Variants in FAM163A observed in about 807,000 individuals in gnomAD.
FAM163A encodes the protein protein FAM163A.
FAM163A carries 7 observed loss-of-function variants against 12.0 expected under a neutral mutation model. The ratio of observed to expected loss-of-function variants is 0.58; its 90% CI spans 0.33 to 1.10. The LOEUF (loss-of-function observed/expected upper bound fraction) is 1.10, where lower values mean the gene tolerates loss of function less well. Among genes scored for constraint, FAM163A ranks in the 50% least tolerant of loss-of-function variants. FAM163A has a pLI of 0.03. For synonymous variants in FAM163A, 101 were observed against 91.0 expected (o/e 1.11, Z -0.62); for missense variants, 202 against 218.6 (o/e 0.92, Z 0.48).
chr1:179,753,997 C>G (rs1181184256), intron 1 of FAM163A, among the ~76,000 whole-genome samples: 1 of 152,236 alleles, frequency 6.6e-6, no homozygotes, highest in Non-Finnish European at 1.5e-5. Context: ...CGGTGGCTAG[C>G]AGAGTGCTGA....
At position 179,760,596 on chromosome 1, in the gene FAM163A, G is replaced by A. The variant is rs185076936; in HGVS notation, c.-136+17173G>A. 7.0e-4 allele frequency among the ~76,000 whole-genome samples: 106 copies of A among 152,334 alleles called. 1 individual carries two copies. Among genetic ancestry groups the A allele is most frequent in the African/African-American group, 2.3e-3 (95 of 41,566 alleles). On this transcript the variant is annotated intron_variant, in intron 1 of 4. Transcript: ENST00000341785. ...ATCCCAACAGCATGGCAGGGCAGAA[G>A]CATCAAGTCCAGAGACAGGTGAGAG...
At chr1:179,769,321 A>T (rs1321758772) in intron 1 of FAM163A, among the ~76,000 whole-genome samples, 3 of 145,860 alleles carry the variant, frequency 2.1e-5, no homozygotes, top group East Asian at 2.0e-4. Flanking sequence ...AATTTTTTCA[A>T]TTTTTTTTTT....
intron 1 of FAM163A, among the ~76,000 whole-genome samples, chr1:179,756,615 A>G (rs74132253): frequency 0.042 from 6,468 of 152,282 alleles, 167 homozygotes; most frequent in South Asian, 0.062. Flanking sequence ...GTCAACTGGC[A>G]GTGCAGGTCT....
At chr1:179,730,179 G>C in the FAM163A span, 1 of 152,262 alleles carries the variant, frequency 6.6e-6, no homozygotes, top group African/African-American at 2.4e-5. Flanking sequence ...CCACTTGCAA[G>C]CACTGAGTGC....
intron 1 of FAM163A, among the ~76,000 whole-genome samples, chr1:179,775,539 G>C (rs966672842): frequency 9.2e-5 from 14 of 152,128 alleles, no homozygotes; most frequent in Non-Finnish European, 1.6e-4. Context: ...CTATTCTCCT[G>C]CCTCAATCGC....
At chr1:179,811,910 A>G (rs532720620) in intron 2 of FAM163A, among the ~76,000 whole-genome samples, 200 bp from the exon 3 acceptor site, 7 of 152,280 alleles carry the variant, frequency 4.6e-5, no homozygotes, top group African/African-American at 1.4e-4. Context: ...GACCACTGGG[A>G]CATCCACTGA....
At chr1:179,769,138 T>A (rs1411563647) in intron 1 of FAM163A, among the ~76,000 whole-genome samples, 1 of 152,140 alleles carries the variant, frequency 6.6e-6, no homozygotes, top group Non-Finnish European at 1.5e-5. Flanking sequence ...TGAAATTTTT[T>A]ATTTATTTAT....
At chr1:179,808,251 C>G (rs1011512983) in intron 2 of FAM163A, among the ~76,000 whole-genome samples, 1 of 152,246 alleles carries the variant, frequency 6.6e-6, no homozygotes, top group Admixed American at 6.5e-5. Flanking sequence ...TCTCCTCCAG[C>G]ATTGCTGGGG....
intron 1 of FAM163A, among the ~76,000 whole-genome samples, chr1:179,786,701 A>G (rs1690687228): frequency 6.6e-6 from 1 of 152,262 alleles, no homozygotes; most frequent in Non-Finnish European, 1.5e-5. Flanking sequence ...GAGAGATTGA[A>G]TAACTTTCTC....
At chr1:179,731,960 A>G in the FAM163A span, among the ~76,000 whole-genome samples, 7 of 152,200 alleles carry the variant, frequency 4.6e-5, no homozygotes, top group Non-Finnish European at 1.0e-4. Context: ...TATATACTCT[A>G]TCCCCATGTG....
intron 1 of FAM163A, among the ~76,000 whole-genome samples, chr1:179,778,779 G>A (rs1689329064): frequency 6.6e-6 from 1 of 152,176 alleles, no homozygotes; most frequent in Non-Finnish European, 1.5e-5. Context: ...TGAGGGGTGG[G>A]GGAAGAGTAT....
At chr1:179,747,531 T>C (rs754804164) in intron 1 of FAM163A, among the ~76,000 whole-genome samples, 8 of 152,242 alleles carry the variant, frequency 5.3e-5, no homozygotes, top group Middle Eastern at 3.2e-3. Flanking sequence ...AAAGCCTTCA[T>C]TGAGAGCTTT....
the FAM163A span, among the ~76,000 whole-genome samples, chr1:179,730,715 CA>C: frequency 4.6e-5 from 7 of 152,014 alleles, no homozygotes; most frequent in Non-Finnish European, 1.0e-4. Flanking sequence ...TTTTTATATG[CA>C]AAAAAGCACT....
chr1:179,741,433 G>A (rs3856046), upstream of FAM163A, among the ~76,000 whole-genome samples: 35,519 of 152,164 alleles, frequency 0.23, 4,878 homozygotes, highest in East Asian at 0.63. Flanking sequence ...TCACCCCAAG[G>A]TATACATCCT....
intron 1 of FAM163A, among the ~76,000 whole-genome samples, chr1:179,790,009 A>G (rs1691211710): frequency 6.6e-6 from 1 of 152,152 alleles, no homozygotes; most frequent in African/African-American, 2.4e-5. Context: ...TGACCAAAGA[A>G]TGGTTTAGGA....
In FAM163A at chr1:179,753,537, C is replaced by G. The variant is rs79856861; in HGVS notation, c.-136+10114C>G. 5.1e-3 allele frequency among the ~76,000 whole-genome samples: 783 copies of G among 152,162 alleles called. 6 individuals are homozygous for G. The highest frequency in any genetic ancestry group is 0.018 in the African/African-American group (748 of 41,508). On this transcript the variant is annotated intron_variant, in intron 1 of 4. Transcript: ENST00000341785. The stretch of plus-strand genomic sequence containing the variant: ...GGAAGGTTAATTCATAGTGTAGTTT[C>G]CTGAGAAAATGGGTGGACAGCATCA...
At chr1:179,791,150 T>A (rs1691436019) in intron 1 of FAM163A, among the ~76,000 whole-genome samples, 2 of 152,120 alleles carry the variant, frequency 1.3e-5, no homozygotes, top group African/African-American at 4.8e-5. Flanking sequence ...TATCTCAAGA[T>A]AATATAAACG....
At chr1:179,736,214 G>A in the FAM163A span, among the ~76,000 whole-genome samples, 3 of 151,926 alleles carry the variant, frequency 2.0e-5, no homozygotes, top group South Asian at 4.2e-4. Flanking sequence ...TCTACACAGC[G>A]AAGAAAACAA....
At chr1:179,776,020 A>G (rs1688917395) in intron 1 of FAM163A, among the ~76,000 whole-genome samples, 1 of 152,176 alleles carries the variant, frequency 6.6e-6, no homozygotes, top group African/African-American at 2.4e-5. Flanking sequence ...GTTGGGTGGC[A>G]TTAGGGAGAT....
Sources: gnomAD v4.1 joint callset for allele counts (sites outside exome capture counted in the v4.1 genomes callset) on GRCh38, gnomAD v4.1.1 for gene constraint, MANE v1.5 for transcripts, NCBI Gene and HGNC (gene_info 2026-07-23, HGNC 2026-07-21) for gene names.